SUN2: variants seen among roughly 807,000 people sequenced by gnomAD.
SUN2 encodes Sad1 and UNC84 domain containing 2.
A neutral mutation model predicts 100.0 loss-of-function variants in SUN2; 60 were observed. That is an observed-to-expected ratio of 0.60 (90% CI 0.49 to 0.74). The LOEUF (loss-of-function observed/expected upper bound fraction) is 0.74. Among genes scored for constraint, SUN2 ranks in the 30% least tolerant of loss-of-function variants. The probability of loss-of-function intolerance (pLI) is 0.00; values close to 1 mark genes in which losing one functional copy is unlikely to be tolerated. For synonymous variants in SUN2, 367 were observed against 403.3 expected (o/e 0.91, Z 1.08); for missense variants, 834 against 954.6 (o/e 0.87, Z 1.66).
chr22:38,750,113 C>T, intron 5 of SUN2, 112 bp downstream of exon 5: 1 of 1,472,016 alleles, frequency 6.8e-7, no homozygotes, highest in Non-Finnish European at 9.1e-7. Flanking sequence ...AATGACCTTT[C>T]CCCAATGGTC....
In SUN2 at chr22:38,755,385, C is replaced by T; in HGVS notation, c.-38+378G>A. ...GAACAAAACGGGCCTTCCTCTGAGG[C>T]CCTGAGTTCTGACAGGCAGAGGCTG... is the stretch of plus-strand genomic sequence containing the variant. On this transcript the variant is annotated intron_variant, in intron 1 of 17. Transcript: ENST00000689035. The surrounding 1 kb of genome is among the most constrained non-coding windows in gnomAD (Gnocchi z 5.7). 9.9e-7 allele frequency: 1 copy of T among 1,010,792 alleles called. No homozygotes were observed. The highest frequency in any genetic ancestry group is 3.7e-5 in the South Asian group (1 of 26,718). The allele number at this position is 1,010,792 out of a possible 1,614,324, so 62.6% of individuals were successfully genotyped here. A position where few individuals can be genotyped will look rare whatever the true frequency, so the allele number is the denominator to read the frequency against.
intron 7 of SUN2, among the ~76,000 whole-genome samples, chr22:38,746,951 G>A (rs569882669): frequency 2.2e-4 from 32 of 148,076 alleles, no homozygotes; most frequent in Admixed American, 4.0e-4. Flanking sequence ...GGAGAATGGC[G>A]TGAACCTGGG....
rs970097245 is a variant in SUN2 at position 38,740,599 on chromosome 22, A to G, written c.1191-167T>C. On this transcript the variant is annotated intron_variant, in intron 11 of 17. Transcript: ENST00000689035. This position sits in a 1 kb window ranked among gnomAD's most constrained non-coding sequence, Gnocchi z 4.8. ...GGCCTCTCCTGGGGGTTCTGGCTGC[A>G]GAACCCCTGCCTGTCCCAAGGAGCT... The G allele has an allele frequency of 1.2e-5, 8 of 688,994 alleles. No individual in the cohort carries two copies. Among genetic ancestry groups the G allele is most frequent in the Admixed American group, 1.0e-4 (3 of 29,136 alleles). 42.7% of individuals were successfully genotyped at this position (688,994 alleles called of 1,614,324 possible).
At position 38,736,270 on chromosome 22, in the gene SUN2, G is replaced by T. The variant is rs917841252; in HGVS notation, c.2151C>A (p.His717Gln). 2.5e-6 allele frequency: 4 copies of T among 1,612,430 alleles called. No individual in the cohort carries two copies. The highest frequency in any genetic ancestry group is 1.7e-5 in the Admixed American group (1 of 59,842). The change falls in exon 18 of 18, where the codon CAC becomes CAA. Residue 717 changes from histidine to glutamine, a missense_variant. By Grantham distance (24) the His-to-Gln change is conservative (BLOSUM62 0). This residue lies in a region of SUN2 where 80 missense variants were observed against 76.7 expected (regional missense o/e 1.04). Transcript: ENST00000689035. ...CAGCAGGCACCAGTAAGCAGGGCTA[G>T]TGGGCGGGCTCCCCATGCACTCTGA... ...YRFRVHGEPA[H>Q] is the part of the protein sequence containing the mutation.
chr22:38,742,366 GC>G lies in SUN2; in HGVS notation c.1002del (p.Leu335Ter). 6.2e-7 allele frequency: 1 copy of G among 1,613,080 alleles called. No individual in the cohort carries two copies. The highest frequency in any genetic ancestry group is 8.5e-7 in the Non-Finnish European group (1 of 1,179,728). On this transcript the variant is annotated frameshift_variant, in exon 9 of 18. Transcript: ENST00000689035. LOFTEE classifies it high-confidence loss of function. Reference sequence around the variant, plus strand: ...AGGGCAGCTTCACGGCGGCTCACTAGCCCCTCCAGCAGCGCCAGGGTGTCCT... The same window carrying G: ...AGGGCAGCTTCACGGCGGCTCACTAGCCCTCCAGCAGCGCCAGGGTGTCCT... ...SHEDTLALLE[G>X]LVSRREAALK... is the part of the protein sequence containing the mutation.
At position 38,737,955 on chromosome 22, in the gene SUN2, CT is replaced by C; in HGVS notation, c.2040+217del. 1 of 698,176 alleles carries C rather than the reference CT, an allele frequency of 1.4e-6. No individual in the cohort carries two copies. Among genetic ancestry groups the C allele is most frequent in the Non-Finnish European group, 2.7e-6 (1 of 373,304 alleles). The allele number at this position is 698,176 out of a possible 1,614,324, so 43.2% of individuals were successfully genotyped here. The stretch of plus-strand genomic sequence containing the variant: ...CCTCCTGGTGTCCTTTTCCAGGAAG[CT>C]TCCCTCATGCTGCCCTTCTGGAAGG... On this transcript the variant is annotated intron_variant, in intron 17 of 17. Transcript: ENST00000689035. This position sits in a 1 kb window ranked among gnomAD's most constrained non-coding sequence, Gnocchi z 4.1.
chr22:38,749,319 G>C (rs1207238422), intron 6 of SUN2, among the ~76,000 whole-genome samples: 2 of 152,154 alleles, frequency 1.3e-5, no homozygotes, highest in Non-Finnish European at 1.5e-5. Flanking sequence ...TCCTCAGGCA[G>C]AGCCTCTTTG....
rs749399586 is a variant in SUN2 at position 38,736,329 on chromosome 22, A to G, written c.2092T>C (p.Trp698Arg). 3.1e-6 allele frequency: 5 copies of G among 1,613,918 alleles called. No homozygotes were observed. Among genetic ancestry groups the G allele is most frequent in the Non-Finnish European group, 2.5e-6 (3 of 1,179,948 alleles). Residue 698 changes from tryptophan to arginine, a missense_variant, in exon 18 of 18, where the codon TGG becomes CGG. Trp to Arg is a moderately radical substitution (Grantham distance 101, BLOSUM62 -3). This residue lies in a region of SUN2 where 80 missense variants were observed against 76.7 expected (regional missense o/e 1.04). Transcript: ENST00000689035. ...ATGCAGGTGTACTCGGGGTGGCCCC[A>G]GTTAGTCAGGATCCGCAGCTCCACC... ...QVVELRILTN[W>R]GHPEYTCIYR...
Position 38,741,523 on chromosome 22 carries a change from G to A in SUN2, c.1117C>T (p.Leu373Phe). The change falls in exon 10 of 18, where the codon CTC becomes TTC. Residue 373 changes from leucine to phenylalanine, a missense_variant. By Grantham distance (22) the Leu-to-Phe change is conservative (BLOSUM62 0). Around this residue, in one of 3 missense-constraint regions of SUN2, gnomAD observed 559 missense variants for 597.7 expected, o/e 0.94. Coordinates refer to ENST00000689035, the MANE Select transcript of SUN2 (RefSeq NM_015374.3). The stretch of plus-strand genomic sequence containing the variant: ...GAGGCCCGGACGATCTTCTTGAAGA[G>A]GTCTTCTGAGTCTTGCTGATGCTCT... ...RAEHQQDSEDLFKKIVRASQE... is the reference protein window; with the variant it reads ...RAEHQQDSEDFFKKIVRASQE... The A allele has an allele frequency of 6.2e-7, 1 of 1,614,020 alleles. No individual in the cohort carries two copies. The highest frequency in any genetic ancestry group is 1.1e-5 in the South Asian group (1 of 91,078).
chr22:38,755,009 C>CCCG lies in SUN2; in HGVS notation c.-38+751_-38+753dup. 1 of 1,256,708 alleles carries CCCG rather than the reference C, an allele frequency of 8.0e-7. No individual in the cohort carries two copies. Among genetic ancestry groups the CCCG allele is most frequent in the Non-Finnish European group, 1.0e-6 (1 of 962,322 alleles). 77.8% of individuals were successfully genotyped at this position (1,256,708 alleles called of 1,614,324 possible). A position where few individuals can be genotyped will look rare whatever the true frequency, so the allele number is the denominator to read the frequency against. On this transcript the variant is annotated intron_variant, in intron 1 of 17. Transcript: ENST00000689035. The surrounding 1 kb of genome is among the most constrained non-coding windows in gnomAD (Gnocchi z 5.7). ...ACTGCGAATCATAATAGACACCACC[C>CCCG]CCGCCCCACCTCCTCCCTAACAATC...
intron 17 of SUN2, chr22:38,736,618 T>G: frequency 2.7e-6 from 1 of 372,460 alleles, no homozygotes; most frequent in East Asian, 4.3e-5. Context: ...AATGAATTCA[T>G]CCACAATCGT....
intron 7 of SUN2, among the ~76,000 whole-genome samples, chr22:38,746,667 T>C (rs928869004): frequency 6.6e-6 from 1 of 152,192 alleles, no homozygotes; most frequent in Non-Finnish European, 1.5e-5. Context: ...AAGGCCATGG[T>C]GAAGCTCAAA....
In SUN2 at chr22:38,751,154, G is replaced by A. The variant is rs1192889939; in HGVS notation, c.286+56C>T. On this transcript the variant is annotated intron_variant, in intron 3 of 17. Transcript: ENST00000689035. Reference sequence around the variant, plus strand: ...GGGACTGCAGGGGACACTGTGAGGAGTATCTCGCGGGAGGCCGAGGAAGCA... The same window carrying A: ...GGGACTGCAGGGGACACTGTGAGGAATATCTCGCGGGAGGCCGAGGAAGCA... The A allele has an allele frequency of 1.9e-6, 3 of 1,604,900 alleles. No individual in the cohort carries two copies. The African/African-American group carries it at 4.0e-5, about 21-fold the overall frequency.
At chr22:38,748,099 T>C (rs1385806977) in intron 7 of SUN2, among the ~76,000 whole-genome samples, 1 of 152,170 alleles carries the variant, frequency 6.6e-6, no homozygotes, top group East Asian at 1.9e-4. Flanking sequence ...CTGGATCACC[T>C]GAGGTCAGGA....
At position 38,740,310 on chromosome 22, in the gene SUN2, T is replaced by G; in HGVS notation, c.1313A>C (p.Glu438Ala). The G allele has an allele frequency of 6.2e-7, 1 of 1,604,440 alleles. No homozygotes were observed. The highest frequency in any genetic ancestry group is 8.5e-7 in the Non-Finnish European group (1 of 1,176,316). Residue 438 changes from glutamate to alanine, a missense_variant, in exon 12 of 18, where the codon GAA (glutamate) becomes GCA (alanine). By Grantham distance (107) the Glu-to-Ala change is moderately radical. Around this residue, in one of 3 missense-constraint regions of SUN2, gnomAD observed 559 missense variants for 597.7 expected, o/e 0.94. Coordinates refer to ENST00000689035, the MANE Select transcript of SUN2 (RefSeq NM_015374.3). The surrounding 1 kb of genome is among the most constrained non-coding windows in gnomAD (Gnocchi z 4.8). ...GATCTGCTGGGGCAGCAGGCCCACT[T>G]CTTCCGCCACCGAGCTCTGCTTCAG... is the stretch of plus-strand genomic sequence containing the variant. ...LALKQSSVAE[E>A]VGLLPQQIQA...
At chr22:38,754,039 G>C (rs2092967846) in intron 1 of SUN2, among the ~76,000 whole-genome samples, 1 of 152,230 alleles carries the variant, frequency 6.6e-6, no homozygotes, top group Admixed American at 6.5e-5. Flanking sequence ...AGGGCAGCAT[G>C]AATTACAGTC....
In SUN2 at chr22:38,739,815, A is replaced by G. The variant is rs780518239; in HGVS notation, c.1485T>C (p.His495=). The G allele has an allele frequency of 1.1e-5, 17 of 1,613,468 alleles. No individual in the cohort carries two copies. Among genetic ancestry groups the G allele is most frequent in the Non-Finnish European group, 1.4e-5 (17 of 1,180,032 alleles). Residue 495 remains histidine, a synonymous_variant, in exon 13 of 18, where the codon CAT becomes CAC. Transcript: ENST00000689035. The surrounding 1 kb of genome is among the most constrained non-coding windows in gnomAD (Gnocchi z 6.7). ...CCGACTTGCCCTGCATCTCTGCCAC[A>G]TGGGTGAGGATCTTGCTCTCCAGCT... is the stretch of plus-strand genomic sequence containing the variant. The part of the protein sequence containing the change: ...LRELESKILT[H]VAEMQGKSAR...
chr22:38,736,840 C>T (rs896764203), intron 17 of SUN2: 2 of 154,430 alleles, frequency 1.3e-5, no homozygotes, highest in Non-Finnish European at 2.9e-5. Flanking sequence ...ATCGTTCTGT[C>T]CTCTACCCTC....
chr22:38,738,786 GCCCTGAGT>G lies in SUN2; in HGVS notation c.1780-40_1780-33del, dbSNP rs1569294921. The G allele has an allele frequency of 1.9e-6, 3 of 1,608,420 alleles. No individual in the cohort carries two copies. Among genetic ancestry groups the G allele is most frequent in the Non-Finnish European group, 2.6e-6 (3 of 1,176,308 alleles). On this transcript the variant is annotated intron_variant, in intron 15 of 17. Coordinates refer to ENST00000689035, the MANE Select transcript of SUN2 (RefSeq NM_015374.3). The surrounding 1 kb of genome is among the most constrained non-coding windows in gnomAD (Gnocchi z 6.6). ...GAGCAGAAAGTCATGTCAGGACAGG[GCCCTGAGT>G]CCAGCTCTTGCTGACCCCAGATGGG...
Sources: gnomAD v4.1 joint callset for allele counts (sites outside exome capture counted in the v4.1 genomes callset) on GRCh38, gnomAD v4.1.1 for gene constraint, gnomAD v4.1.1 regional missense constraint, Gnocchi (gnomAD v3.1) non-coding constraint, MANE v1.5 for transcripts, NCBI Gene and HGNC (gene_info 2026-07-23, HGNC 2026-07-21) for gene names.